CEP41: variants seen among roughly 807,000 people sequenced by gnomAD.
The protein encoded by CEP41 is centrosomal protein of 41 kDa.
A neutral mutation model predicts 44.3 loss-of-function variants in CEP41; 32 were observed. That is an observed-to-expected ratio of 0.72 (90% CI 0.54 to 0.97). CEP41 has a LOEUF of 0.97. CEP41 is among the 50% of genes least tolerant of loss of function. The pLI is 0.00. For missense variants in CEP41, 432 were observed against 455.2 expected, an observed-to-expected ratio of 0.95 and a Z score of 0.46; for synonymous variants, 151 against 168.5, an observed-to-expected ratio of 0.90 and a Z score of 0.80.
chr7:130,439,753 G>A (rs1414037540), intron 1 of CEP41, among the ~76,000 whole-genome samples: 2 of 151,914 alleles, frequency 1.3e-5, no homozygotes, highest in Non-Finnish European at 2.9e-5. Flanking sequence ...TGGGATAAAG[G>A]CTAAGAACCT....
chr7:130,416,640 A>G (rs879988420), intron 3 of CEP41, among the ~76,000 whole-genome samples: 1 of 152,236 alleles, frequency 6.6e-6, no homozygotes, highest in Non-Finnish European at 1.5e-5. Context: ...CTAGAAGCTT[A>G]AGCAGAGCTC....
At chr7:130,440,711 G>A in intron 1 of CEP41, 1 of 615,320 alleles carries the variant, frequency 1.6e-6, no homozygotes, top group Non-Finnish European at 2.9e-6. Flanking sequence ...ACAAGTACTG[G>A]CGTGCGTACG....
chr7:130,401,049 C>A (rs1796829575), intron 8 of CEP41: 3 of 526,326 alleles, frequency 5.7e-6, no homozygotes, highest in Non-Finnish European at 1.0e-5. Context: ...ATCTAAAAGA[C>A]AGCACTAGTT....
At chr7:130,415,464 A>G (rs1394941222) in intron 3 of CEP41, among the ~76,000 whole-genome samples, 1 of 152,224 alleles carries the variant, frequency 6.6e-6, no homozygotes, top group East Asian at 1.9e-4. Flanking sequence ...CTCCTGCTCT[A>G]CTAAAAGGAA....
chr7:130,441,259 G>C (rs894706917), upstream of CEP41: 3 of 534,130 alleles, frequency 5.6e-6, no homozygotes, highest in Non-Finnish European at 1.0e-5. Context: ...AGAGGCGCGG[G>C]GGGAGGGGAA....
At position 130,393,959 on chromosome 7, in the gene CEP41, A is replaced by AC. The variant is rs1204011077; in HGVS notation, c.*4931dup. 2.0e-5 allele frequency: 9 copies of AC among 454,032 alleles called. No individual in the cohort carries two copies. The highest frequency in any genetic ancestry group is 1.8e-4 in the African/African-American group (9 of 50,018). 28.1% of individuals were successfully genotyped at this position (454,032 alleles called of 1,614,324 possible). A position where few individuals can be genotyped will look rare whatever the true frequency, so the allele number is the denominator to read the frequency against. On this transcript the variant is annotated 3_prime_UTR_variant, in exon 11 of 11. Coordinates refer to ENST00000223208, the MANE Select transcript of CEP41 (RefSeq NM_018718.3). ...CTGTCTTCAAGATAAGACAGCAGAC[A>AC]CAGGCGGTGGAAATGTGGAAATACG... is the stretch of plus-strand genomic sequence containing the variant.
At chr7:130,428,914 A>AAAATAAATAAAT (rs576364646) in intron 1 of CEP41, among the ~76,000 whole-genome samples, 1 of 150,536 alleles carries the variant, frequency 6.6e-6, no homozygotes, top group African/African-American at 2.4e-5. Context: ...CTGTCTCAAA[A>AAAATAAATAAAT]AAATAAATAA....
chr7:130,412,291 A>G (rs1554419963), intron 3 of CEP41, 51 bp from the exon 4 acceptor site: 1 of 899,584 alleles, frequency 1.1e-6, no homozygotes, highest in Admixed American at 1.7e-5. Context: ...TTTTAGAGCT[A>G]TTCTTTCTAG....
rs551925231 is a variant in CEP41, at chr7:130,417,460, A to G, written c.98-494T>C. 13 of 508,924 alleles carry G rather than the reference A, an allele frequency of 2.6e-5. No homozygotes were observed. In the East Asian group the frequency reaches 1.1e-3, roughly 42 times the overall value. 31.5% of individuals were successfully genotyped at this position (508,924 alleles called of 1,614,324 possible). On this transcript the variant is annotated intron_variant, in intron 2 of 10. Coordinates refer to ENST00000223208, the MANE Select transcript of CEP41 (RefSeq NM_018718.3). ...TTCTCTTTCCTGAACTTACTCTTCTACCGTTCATGCTCACGTTGCAGTCTG... is the reference window on the plus strand; with the variant it reads ...TTCTCTTTCCTGAACTTACTCTTCTGCCGTTCATGCTCACGTTGCAGTCTG...
rs1394598204 is a variant in CEP41 at position 130,393,849 on chromosome 7, TA to T, written c.*5041del. The T allele has an allele frequency of 2.2e-6, 1 of 453,900 alleles. No individual in the cohort carries two copies. Among genetic ancestry groups the T allele is most frequent in the Non-Finnish European group, 4.4e-6 (1 of 226,788 alleles). The allele number at this position is 453,900 out of a possible 1,614,324, so 28.1% of individuals were successfully genotyped here. On this transcript the variant is annotated 3_prime_UTR_variant, in exon 11 of 11. Transcript: ENST00000223208. ...TACTTTTTTCCCCCTACAATATAATTAAAAGTTTGTAATTCTCATTCCTTAA... is the reference window on the plus strand; with the variant it reads ...TACTTTTTTCCCCCTACAATATAATTAAAGTTTGTAATTCTCATTCCTTAA...
chr7:130,440,978 C>T lies in CEP41; in HGVS notation c.-12G>A. 6.2e-7 allele frequency: 1 copy of T among 1,612,718 alleles called. No individual in the cohort carries two copies. The highest frequency in any genetic ancestry group is 8.5e-7 in the Non-Finnish European group (1 of 1,179,982). ...CTCCGGAGGGACATATTTTCTCCAACCGACCACGTTCGGGGTTCTAGCCTC... is the reference window on the plus strand; with the variant it reads ...CTCCGGAGGGACATATTTTCTCCAATCGACCACGTTCGGGGTTCTAGCCTC... On this transcript the variant is annotated 5_prime_UTR_variant, in exon 1 of 11. Coordinates refer to ENST00000223208, the MANE Select transcript of CEP41 (RefSeq NM_018718.3).
intron 10 of CEP41, 54 bp downstream of exon 10, chr7:130,399,985 G>T: frequency 1.8e-6 from 2 of 1,128,510 alleles, no homozygotes; most frequent in Non-Finnish European, 2.7e-6. Context: ...ATATGATGAG[G>T]TGATATTCAA....
chr7:130,441,036 C>T (rs1367666446), upstream of CEP41: 3 of 1,550,810 alleles, frequency 1.9e-6, no homozygotes, highest in East Asian at 2.2e-5. Flanking sequence ...TTCCTACCCC[C>T]ACAACCTTGT....
chr7:130,398,074 C>A lies in CEP41; in HGVS notation c.*817G>T, dbSNP rs782099585. ...CTAACATGGATGGACTGAAGCTGGGCAATGGGCGTCATAACTGATATACTG... is the reference window on the plus strand; with the variant it reads ...CTAACATGGATGGACTGAAGCTGGGAAATGGGCGTCATAACTGATATACTG... On this transcript the variant is annotated 3_prime_UTR_variant, in exon 11 of 11. Transcript: ENST00000223208. 9 of 453,978 alleles carry A rather than the reference C, an allele frequency of 2.0e-5. No homozygotes were observed. Among genetic ancestry groups the A allele is most frequent in the Non-Finnish European group, 4.0e-5 (9 of 226,796 alleles). 28.1% of individuals were successfully genotyped at this position (453,978 alleles called of 1,614,324 possible). A position where few individuals can be genotyped will look rare whatever the true frequency, so the allele number is the denominator to read the frequency against.
intron 5 of CEP41, 171 bp downstream of exon 5, chr7:130,410,950 TA>T: frequency 1.5e-6 from 1 of 686,496 alleles, no homozygotes. Flanking sequence ...CTTTTTAAAA[TA>T]AGAATTAACA....
chr7:130,429,505 AG>A (rs1228726657), intron 1 of CEP41, among the ~76,000 whole-genome samples: 6 of 152,236 alleles, frequency 3.9e-5, no homozygotes, highest in Non-Finnish European at 7.3e-5. Context: ...TCTGGCCTGC[AG>A]GTATGAAAGT....
chr7:130,402,882 G>T, intron 6 of CEP41, 83 bp from the exon 7 acceptor site: 1 of 1,386,774 alleles, frequency 7.2e-7, no homozygotes, highest in Non-Finnish European at 1.0e-6. Flanking sequence ...GAATAGTGAG[G>T]TGAGTGCTCA....
intron 3 of CEP41, among the ~76,000 whole-genome samples, chr7:130,415,682 T>C (rs782773856): frequency 6.6e-6 from 1 of 152,130 alleles, no homozygotes; most frequent in Non-Finnish European, 1.5e-5. Flanking sequence ...ACATGTGAAC[T>C]CACACTCAGC....
intron 1 of CEP41, among the ~76,000 whole-genome samples, chr7:130,437,641 C>T (rs1554426417): frequency 6.6e-6 from 1 of 151,340 alleles, no homozygotes; most frequent in Non-Finnish European, 1.5e-5. Flanking sequence ...GGCACGATGA[C>T]ACACACCTGT....
Sources: gnomAD v4.1 joint callset for allele counts (sites outside exome capture counted in the v4.1 genomes callset) on GRCh38, gnomAD v4.1.1 for gene constraint, MANE v1.5 for transcripts, NCBI Gene and HGNC (gene_info 2026-07-23, HGNC 2026-07-21) for gene names.